Variants in CDH4 observed in about 807,000 individuals in gnomAD.
CDH4 encodes the protein cadherin 4, also known as cadherin-4.
In CDH4, 33 loss-of-function variants were observed where a neutral mutation model predicts 86.0. That is an observed-to-expected ratio of 0.38 (90% CI 0.29 to 0.51). The LOEUF (loss-of-function observed/expected upper bound fraction) is 0.51, where lower values mean the gene tolerates loss of function less well. Among genes scored for constraint, CDH4 ranks in the 20% least tolerant of loss-of-function variants. The probability of loss-of-function intolerance (pLI) is 0.86; values close to 1 mark genes in which losing one functional copy is unlikely to be tolerated. For missense variants in CDH4, 1,114 were observed against 1,307.4 expected, an observed-to-expected ratio of 0.85 and a Z score of 2.28; for synonymous variants, 555 against 549.4, an observed-to-expected ratio of 1.01 and a Z score of -0.14.
At chr20:61,741,368 CAA>C (rs1404121972) in intron 2 of CDH4, among the ~76,000 whole-genome samples, 1 of 152,234 alleles carries the variant, frequency 6.6e-6, no homozygotes, top group African/African-American at 2.4e-5. Context: ...CTTTCACCTG[CAA>C]AGTCCTTGGT....
At chr20:61,320,240 C>T (rs2084500777) in intron 2 of CDH4, among the ~76,000 whole-genome samples, 1 of 152,162 alleles carries the variant, frequency 6.6e-6, no homozygotes, top group South Asian at 2.1e-4. Context: ...CTGACTGTGT[C>T]TTCTCCCTGC....
chr20:61,884,486 A>G (rs993437543), intron 7 of CDH4, among the ~76,000 whole-genome samples: 2 of 151,210 alleles, frequency 1.3e-5, no homozygotes, highest in Non-Finnish European at 1.5e-5. Context: ...GGTGTTCAGG[A>G]GGGAGGGAGG....
At chr20:61,420,243 G>A (rs1313633522) in intron 2 of CDH4, among the ~76,000 whole-genome samples, 1 of 152,242 alleles carries the variant, frequency 6.6e-6, no homozygotes, top group South Asian at 2.1e-4. Flanking sequence ...CTGCTGTGCG[G>A]GGAAACGCAG....
intron 2 of CDH4, among the ~76,000 whole-genome samples, chr20:61,696,808 T>C (rs1437309196): frequency 6.6e-6 from 1 of 151,196 alleles, no homozygotes; most frequent in African/African-American, 2.4e-5. Context: ...GGAAAAAGAG[T>C]GTTTGAAGAT....
At chr20:61,753,950 A>C (rs1455556530) in intron 3 of CDH4, among the ~76,000 whole-genome samples, 2 of 152,166 alleles carry the variant, frequency 1.3e-5, no homozygotes, top group South Asian at 4.1e-4. Flanking sequence ...AGTGAAGAAG[A>C]AGTGATTAGC....
intron 2 of CDH4, among the ~76,000 whole-genome samples, chr20:61,601,635 G>A (rs146898132): frequency 1.5e-3 from 232 of 152,328 alleles, no homozygotes; most frequent in African/African-American, 5.1e-3. Flanking sequence ...ATGCTGCAGA[G>A]TCCAGGGGAG....
chr20:61,410,536 T>A (rs910499688), intron 2 of CDH4, among the ~76,000 whole-genome samples: 3 of 144,738 alleles, frequency 2.1e-5, no homozygotes, highest in African/African-American at 7.5e-5. Flanking sequence ...CATCCATCCA[T>A]CATCTTCCAT....
In CDH4 at chr20:61,709,981, C is replaced by A. The variant is rs1224826164; in HGVS notation, c.170-33582C>A. On this transcript the variant is annotated intron_variant, in intron 2 of 15. Coordinates refer to ENST00000614565, the MANE Select transcript of CDH4 (RefSeq NM_001794.5). The surrounding 1 kb of genome is among the most constrained non-coding windows in gnomAD (Gnocchi z 4.8). ...GTGTGTTGTAGGGAAAAGTTTGCCA[C>A]CAACAGCGAGTTTAAAACTTTGAAA... Among the ~76,000 whole-genome samples, 2 of 152,102 alleles carry A rather than the reference C, an allele frequency of 1.3e-5. No homozygotes were observed. Among genetic ancestry groups the A allele is most frequent in the Admixed American group, 6.5e-5 (1 of 15,282 alleles).
chr20:61,875,677 G>A (rs1209598268), intron 7 of CDH4, among the ~76,000 whole-genome samples: 2 of 152,194 alleles, frequency 1.3e-5, no homozygotes, highest in Non-Finnish European at 2.9e-5. Context: ...TGCAGGATCC[G>A]CTGAGGCCCC....
At position 61,510,464 on chromosome 20, in the gene CDH4, C is replaced by T. The variant is rs1311229914; in HGVS notation, c.170-233099C>T. ...AGGATACGTTTACTATCGGAATGCC[C>T]GCATGCCTGCTGGGCTGATGGCATC... On this transcript the variant is annotated intron_variant, in intron 2 of 15. Transcript: ENST00000614565. The surrounding 1 kb of genome is among the most constrained non-coding windows in gnomAD (Gnocchi z 4.2). 2.0e-5 allele frequency among the ~76,000 whole-genome samples: 3 copies of T among 152,182 alleles called. No homozygotes were observed. Among genetic ancestry groups the T allele is most frequent in the South Asian group, 2.1e-4 (1 of 4,826 alleles).
At chr20:61,266,630 G>A (rs2084159717) in intron 2 of CDH4, among the ~76,000 whole-genome samples, 1 of 151,674 alleles carries the variant, frequency 6.6e-6, no homozygotes, top group Non-Finnish European at 1.5e-5. Flanking sequence ...GATGCTGGTG[G>A]GGAGTCTGGA....
At chr20:61,383,863 GCGT>G (rs374980336) in intron 2 of CDH4, among the ~76,000 whole-genome samples, 3 of 84,560 alleles carry the variant, frequency 3.5e-5, no homozygotes, top group Non-Finnish European at 7.3e-5. Flanking sequence ...AGATATATAT[GCGT>G]ATATATGAAG....
At chr20:61,565,257 A>AGTGGTCCTCTTGGTGATGGGGAGG in intron 2 of CDH4, among the ~76,000 whole-genome samples, 1 of 14,892 alleles carries the variant, frequency 6.7e-5, no homozygotes, top group South Asian at 2.9e-3. Flanking sequence ...GCTCTTGGTG[A>AGTGGTCCTCTTGGTGATGGGGAGG]TGGTGGTGGT....
Position 61,629,612 on chromosome 20 carries a change from G to A in CDH4, c.170-113951G>A, listed in dbSNP as rs540603860. Among the ~76,000 whole-genome samples, 8 of 152,304 alleles carry A rather than the reference G, an allele frequency of 5.3e-5. No homozygotes were observed. The Middle Eastern group carries it at 0.01, about 194-fold the overall frequency. On this transcript the variant is annotated intron_variant, in intron 2 of 15. Coordinates refer to ENST00000614565, the MANE Select transcript of CDH4 (RefSeq NM_001794.5). ...TGGACAGTTGATCTTCCAGTGACAG[G>A]GAAACCTGTTAGTAATGATCACTTA...
At chr20:61,332,178 C>T (rs13037051) in intron 2 of CDH4, among the ~76,000 whole-genome samples, 49,534 of 152,096 alleles carry the variant, frequency 0.33, 8,653 homozygotes, top group Middle Eastern at 0.53. Context: ...GTGGCCCTCA[C>T]TCCTCCAGGA....
rs1437482758 is a variant in CDH4 at position 61,807,034 on chromosome 20, G to C, written c.576+33852G>C. On this transcript the variant is annotated intron_variant, in intron 4 of 15. Transcript: ENST00000614565. This position sits in a 1 kb window ranked among gnomAD's most constrained non-coding sequence, Gnocchi z 4.5. Reference sequence around the variant, plus strand: ...ACTACTACAAAGCCCTCTAATAATGGGTTGCTAAGAAACTGACACAGGAGA... The same window carrying C: ...ACTACTACAAAGCCCTCTAATAATGCGTTGCTAAGAAACTGACACAGGAGA... 6.6e-6 allele frequency among the ~76,000 whole-genome samples: 1 copy of C among 152,162 alleles called. No individual in the cohort carries two copies. The highest frequency in any genetic ancestry group is 2.4e-5 in the African/African-American group (1 of 41,440).
At chr20:61,929,169 T>TTC (rs2055078181) in intron 12 of CDH4, among the ~76,000 whole-genome samples, 1 of 152,002 alleles carries the variant, frequency 6.6e-6, no homozygotes, top group South Asian at 2.1e-4. Flanking sequence ...CTTTTTTTTT[T>TTC]TGAGACTGTT....
intron 2 of CDH4, among the ~76,000 whole-genome samples, chr20:61,415,020 G>A (rs1318669706): frequency 6.6e-6 from 1 of 152,226 alleles, no homozygotes; most frequent in Non-Finnish European, 1.5e-5. Flanking sequence ...CCGGAGGGAG[G>A]CTGGGCTTTT....
chr20:61,343,451 G>A (rs947210375), intron 2 of CDH4, among the ~76,000 whole-genome samples: 1 of 152,234 alleles, frequency 6.6e-6, no homozygotes, highest in East Asian at 1.9e-4. Flanking sequence ...GTGTGCATGG[G>A]TGTCTGCTGT....
Sources: gnomAD v4.1 joint callset for allele counts (sites outside exome capture counted in the v4.1 genomes callset) on GRCh38, gnomAD v4.1.1 for gene constraint, Gnocchi (gnomAD v3.1) non-coding constraint, MANE v1.5 for transcripts, NCBI Gene and HGNC (gene_info 2026-07-23, HGNC 2026-07-21) for gene names.